CDIN1: variants seen among roughly 807,000 people sequenced by gnomAD.
The protein encoded by CDIN1 is CDAN1-interacting nuclease 1.
In CDIN1, 33 loss-of-function variants were observed where a neutral mutation model predicts 45.3. The ratio of observed to expected loss-of-function variants is 0.73; its 90% CI spans 0.55 to 0.97. The LOEUF is 0.97. Among genes scored for constraint, CDIN1 ranks in the 50% least tolerant of loss-of-function variants. The pLI is 0.00. For synonymous variants in CDIN1, 118 were observed against 124.4 expected (o/e 0.95, Z 0.34); for missense variants, 303 against 339.4 (o/e 0.89, Z 0.84).
At chr15:36,618,780 A>AG (rs397818229) in intron 1 of CDIN1, 1 of 757,242 alleles carries the variant, frequency 1.3e-6, no homozygotes, top group African/African-American at 1.8e-5. Context: ...AAAAAAAAAA[A>AG]GGATCTAATA....
chr15:36,758,795 G>T (rs28522553), intron 10 of CDIN1, among the ~76,000 whole-genome samples: 38,105 of 152,054 alleles, frequency 0.25, 5,350 homozygotes, highest in Non-Finnish European at 0.32. Flanking sequence ...TGTGGAGAAA[G>T]ATTCCTTTCT....
intron 10 of CDIN1, among the ~76,000 whole-genome samples, chr15:36,794,898 A>T (rs1170201534): frequency 1.3e-5 from 2 of 152,328 alleles, no homozygotes; most frequent in Non-Finnish European, 2.9e-5. Flanking sequence ...CCATCAGTGG[A>T]TGAATGAATG....
intron 10 of CDIN1, among the ~76,000 whole-genome samples, chr15:36,757,484 A>T (rs1426935877): frequency 6.6e-6 from 1 of 152,182 alleles, no homozygotes; most frequent in Non-Finnish European, 1.5e-5. Flanking sequence ...GGTTTCAGTT[A>T]CCTGTGGTCA....
chr15:36,684,602 T>C (rs1281242102), intron 5 of CDIN1, among the ~76,000 whole-genome samples: 1 of 151,888 alleles, frequency 6.6e-6, no homozygotes, highest in Non-Finnish European at 1.5e-5. Context: ...ATAAAATGAG[T>C]TAGGGAGGAT....
At chr15:36,612,756 A>G (rs1406768931) in intron 1 of CDIN1, among the ~76,000 whole-genome samples, 1 of 152,032 alleles carries the variant, frequency 6.6e-6, no homozygotes, top group East Asian at 1.9e-4. Context: ...ATCTTCTTGG[A>G]TGTTGTAAAG....
intron 10 of CDIN1, among the ~76,000 whole-genome samples, chr15:36,713,342 C>T (rs187364640): frequency 6.6e-6 from 1 of 152,290 alleles, no homozygotes. Flanking sequence ...CATTCTGGCA[C>T]GTTCTCATTA....
intron 1 of CDIN1, among the ~76,000 whole-genome samples, chr15:36,609,005 A>G (rs1056034775): frequency 6.6e-6 from 1 of 150,846 alleles, no homozygotes; most frequent in Admixed American, 6.6e-5. Context: ...AGATAGATAG[A>G]TAGATAGATA....
At chr15:36,709,331 G>A (rs1443007318) in intron 9 of CDIN1, 43 bp downstream of exon 9, 5 of 1,471,420 alleles carry the variant, frequency 3.4e-6, no homozygotes, top group African/African-American at 1.4e-5. Flanking sequence ...TTAGAGAAAA[G>A]GGATGTATTT....
At chr15:36,698,872 TG>T (rs1275752078) in intron 8 of CDIN1, among the ~76,000 whole-genome samples, 1 of 152,192 alleles carries the variant, frequency 6.6e-6, no homozygotes, top group Non-Finnish European at 1.5e-5. Flanking sequence ...AAGCAAAGGT[TG>T]TAGATGTGGG....
chr15:36,719,342 G>A (rs921767590), intron 10 of CDIN1, among the ~76,000 whole-genome samples: 1 of 152,080 alleles, frequency 6.6e-6, no homozygotes, highest in Non-Finnish European at 1.5e-5. Flanking sequence ...ATTGGTGTTG[G>A]ATTTTTGTCA....
At chr15:36,806,776 TG>T (rs770139706) in intron 10 of CDIN1, among the ~76,000 whole-genome samples, 18 of 152,306 alleles carry the variant, frequency 1.2e-4, no homozygotes, top group Non-Finnish European at 2.2e-4. Context: ...GACAAGTGTT[TG>T]TGATTAAAAG....
At chr15:36,594,265 A>G (rs1246644202) in intron 1 of CDIN1, among the ~76,000 whole-genome samples, 2 of 152,174 alleles carry the variant, frequency 1.3e-5, no homozygotes, top group African/African-American at 4.8e-5. Flanking sequence ...ATGTTTTTGC[A>G]TTAAAAAAAA....
At chr15:36,678,692 T>C (rs2041739894) in intron 5 of CDIN1, among the ~76,000 whole-genome samples, 1 of 152,186 alleles carries the variant, frequency 6.6e-6, no homozygotes. Flanking sequence ...TCCATACTAG[T>C]TCCCCTATCT....
At chr15:36,658,005 C>A in intron 5 of CDIN1, 100 bp downstream of exon 5, 3 of 951,122 alleles carry the variant, frequency 3.2e-6, no homozygotes, top group Non-Finnish European at 4.8e-6. Context: ...AGCCAGATTC[C>A]AAAACAGCTA....
At chr15:36,797,979 C>CAAAAAAAAAA (rs570630838) in intron 10 of CDIN1, among the ~76,000 whole-genome samples, 49 of 55,274 alleles carry the variant, frequency 8.9e-4, no homozygotes, top group African/African-American at 3.3e-3. Context: ...GACTCCATCT[C>CAAAAAAAAAA]AAAAAAAAAA....
chr15:36,772,938 A>G (rs2054115993), intron 10 of CDIN1, among the ~76,000 whole-genome samples: 1 of 152,238 alleles, frequency 6.6e-6, no homozygotes, highest in South Asian at 2.1e-4. Context: ...TAGTATTAGC[A>G]CTATAGTAGT....
chr15:36,608,973 G>A (rs550372857), intron 1 of CDIN1, among the ~76,000 whole-genome samples: 1 of 131,536 alleles, frequency 7.6e-6, no homozygotes, highest in Non-Finnish European at 1.6e-5. Flanking sequence ...ATGTATGTGT[G>A]TATATAGATA....
At chr15:36,601,590 C>G (rs950338540) in intron 1 of CDIN1, among the ~76,000 whole-genome samples, 5 of 152,210 alleles carry the variant, frequency 3.3e-5, no homozygotes, top group African/African-American at 1.2e-4. Flanking sequence ...TGTGTGATTT[C>G]TGGAGCTCTT....
intron 1 of CDIN1, among the ~76,000 whole-genome samples, chr15:36,597,691 A>G (rs568219448): frequency 1.5e-4 from 23 of 152,258 alleles, no homozygotes; most frequent in South Asian, 1.0e-3. Context: ...TATTTTTACA[A>G]TAACCTGTTA....
Sources: allele counts gnomAD v4.1 joint callset (sites outside exome capture counted in the v4.1 genomes callset), GRCh38; gene constraint gnomAD v4.1.1; transcripts MANE v1.5; gene names NCBI Gene and HGNC (gene_info 2026-07-23, HGNC 2026-07-21).